CAB39: variants seen among roughly 807,000 people sequenced by gnomAD.
The protein encoded by CAB39 is calcium-binding protein 39.
Under a neutral mutation model 40.0 loss-of-function variants are expected in CAB39, and 8 were observed. The observed-to-expected ratio is 0.20, with a 90% CI of 0.12 to 0.36. The LOEUF (loss-of-function observed/expected upper bound fraction) is 0.36, where lower values mean the gene tolerates loss of function less well. Ranked by LOEUF, CAB39 falls within the 10% of genes least tolerant of loss-of-function variation. CAB39 has a pLI of 1.00. For missense variants in CAB39, 270 were observed against 401.1 expected, an observed-to-expected ratio of 0.67 and a Z score of 2.79; for synonymous variants, 156 against 141.6, an observed-to-expected ratio of 1.10 and a Z score of -0.72.
In CAB39 at chr2:230,820,079, T is replaced by C. The variant is rs1390657966; in HGVS notation, c.*1375T>C. The C allele has an allele frequency of 6.5e-6, 1 of 152,694 alleles. No individual in the cohort carries two copies. The highest frequency in any genetic ancestry group is 1.5e-5 in the Non-Finnish European group (1 of 68,046). The allele number at this position is 152,694 out of a possible 1,614,324, so 9.5% of individuals were successfully genotyped here. On this transcript the variant is annotated 3_prime_UTR_variant, in exon 9 of 9. Coordinates refer to ENST00000258418, the MANE Select transcript of CAB39 (RefSeq NM_016289.4). The stretch of plus-strand genomic sequence containing the variant: ...TAACTGATTTTGCACCACTTTTTTG[T>C]TACTGTGACCACGGCAGAACAATGT...
intron 1 of CAB39, among the ~76,000 whole-genome samples, chr2:230,739,858 A>C (rs1272779295): frequency 1.3e-5 from 2 of 152,228 alleles, no homozygotes. Flanking sequence ...GAAGTTCAGC[A>C]TTGTGAATAT....
intron 6 of CAB39, among the ~76,000 whole-genome samples, chr2:230,812,212 G>A (rs555618762): frequency 1.6e-4 from 24 of 152,180 alleles, no homozygotes; most frequent in Non-Finnish European, 2.4e-4. Context: ...ACCTGAAACC[G>A]GTTTCTCTCC....
intron 2 of CAB39, among the ~76,000 whole-genome samples, chr2:230,789,074 T>TC (rs1559611538): frequency 1.3e-5 from 2 of 152,178 alleles, no homozygotes; most frequent in African/African-American, 4.8e-5. Context: ...TGTCCCTTTT[T>TC]CCCCCCTAAG....
intron 7 of CAB39, among the ~76,000 whole-genome samples, chr2:230,815,899 T>C (rs1380101807): frequency 6.6e-6 from 1 of 152,252 alleles, no homozygotes; most frequent in Non-Finnish European, 1.5e-5. Context: ...CGTAGCCACA[T>C]TGGCATTTAT....
chr2:230,811,526 T>C (rs1418924970), intron 6 of CAB39, among the ~76,000 whole-genome samples: 1 of 152,250 alleles, frequency 6.6e-6, no homozygotes, highest in African/African-American at 2.4e-5. Context: ...TTACAGTAGA[T>C]AGAAGCATGG....
In CAB39 at chr2:230,793,252, A is replaced by G; in HGVS notation, c.319A>G (p.Arg107Gly). 1 of 1,612,600 alleles carries G rather than the reference A, an allele frequency of 6.2e-7. No individual in the cohort carries two copies. The highest frequency in any genetic ancestry group is 2.2e-5 in the East Asian group (1 of 44,792). The change falls in exon 4 of 9, where the codon AGA becomes GGA. Residue 107 changes from arginine to glycine, a missense_variant. Coordinates refer to ENST00000258418, the MANE Select transcript of CAB39 (RefSeq NM_016289.4). ...GGCTCAAATTTTCAACAATATTCTCAGAAGACAAATTGGTACGAGAACTCC... is the reference window on the plus strand; with the variant it reads ...GGCTCAAATTTTCAACAATATTCTCGGAAGACAAATTGGTACGAGAACTCC... The part of the protein sequence containing the change: ...DVAQIFNNIL[R>G]RQIGTRTPTV...
intron 7 of CAB39, 37 bp from the exon 8 acceptor site, chr2:230,817,710 CTTTAAGT>C (rs1696426931): frequency 2.0e-6 from 3 of 1,468,982 alleles, no homozygotes; most frequent in Non-Finnish European, 2.8e-6. Flanking sequence ...TTTGATTTTT[CTTTAAGT>C]TTTAATAACA....
intron 2 of CAB39, among the ~76,000 whole-genome samples, chr2:230,788,699 T>C (rs1394449918): frequency 6.6e-6 from 1 of 152,230 alleles, no homozygotes; most frequent in African/African-American, 2.4e-5. Context: ...GACAATTTGG[T>C]TGTGTTTTTC....
intron 5 of CAB39, among the ~76,000 whole-genome samples, chr2:230,809,488 C>T: frequency 6.6e-6 from 1 of 152,186 alleles, no homozygotes; most frequent in Admixed American, 6.5e-5. Context: ...TTCTCTTTCC[C>T]ACCCAGTGAG....
chr2:230,772,946 T>C (rs546066941), intron 2 of CAB39, among the ~76,000 whole-genome samples: 1 of 141,746 alleles, frequency 7.1e-6, no homozygotes, highest in African/African-American at 2.7e-5. Context: ...ATAAACCAAC[T>C]GTAGTACATC....
intron 2 of CAB39, among the ~76,000 whole-genome samples, chr2:230,762,974 C>G (rs1575929095): frequency 6.6e-6 from 1 of 152,298 alleles, no homozygotes; most frequent in East Asian, 1.9e-4. Context: ...CTTTTATACT[C>G]TTAAATTATT....
At chr2:230,779,232 A>T (rs1381099670) in intron 2 of CAB39, 1 of 152,196 alleles carries the variant, frequency 6.6e-6, no homozygotes, top group Non-Finnish European at 1.5e-5. Context: ...CTCAACTCAG[A>T]GCCTTGATCT....
chr2:230,733,611 G>A (rs1694734267), intron 1 of CAB39, among the ~76,000 whole-genome samples: 1 of 152,154 alleles, frequency 6.6e-6, no homozygotes, highest in Non-Finnish European at 1.5e-5. Context: ...AGCTTCTCAG[G>A]AACTATTGAA....
At chr2:230,724,456 C>T (rs1341293677) in intron 1 of CAB39, among the ~76,000 whole-genome samples, 2 of 151,680 alleles carry the variant, frequency 1.3e-5, no homozygotes, top group South Asian at 2.1e-4. Context: ...CCGAGGTGGG[C>T]GGATCACCTG....
intron 8 of CAB39, chr2:230,818,213 C>T (rs1287136686): frequency 4.4e-6 from 2 of 449,976 alleles, no homozygotes; most frequent in African/African-American, 2.0e-5. Context: ...TCCCATCTGA[C>T]CTCTTGTGCT....
At chr2:230,785,334 G>C (rs1344165730) in intron 2 of CAB39, among the ~76,000 whole-genome samples, 1 of 148,956 alleles carries the variant, frequency 6.7e-6, no homozygotes, top group Non-Finnish European at 1.5e-5. Context: ...TGTTTTGAGA[G>C]GTTTAATTAT....
In CAB39 at chr2:230,713,146, C is replaced by G. The variant is rs1423577766; in HGVS notation, c.-128C>G. Reference sequence around the variant, plus strand: ...AGCGTCCGAGCCACTCCGCGGGGACCGAACGAGCAGCCCGAAGCGGCGGCG... The same window carrying G: ...AGCGTCCGAGCCACTCCGCGGGGACGGAACGAGCAGCCCGAAGCGGCGGCG... On this transcript the variant is annotated 5_prime_UTR_variant, in exon 1 of 9. Coordinates refer to ENST00000258418, the MANE Select transcript of CAB39 (RefSeq NM_016289.4). 1 of 152,098 alleles carries G rather than the reference C, an allele frequency of 6.6e-6. No individual in the cohort carries two copies. Among genetic ancestry groups the G allele is most frequent in the Non-Finnish European group, 1.5e-5 (1 of 68,052 alleles). 9.4% of individuals were successfully genotyped at this position (152,098 alleles called of 1,614,324 possible).
chr2:230,806,019 C>T (rs909216798), intron 5 of CAB39, among the ~76,000 whole-genome samples: 2 of 152,094 alleles, frequency 1.3e-5, no homozygotes, highest in Non-Finnish European at 2.9e-5. Flanking sequence ...CAGAATATAG[C>T]AGGATGAAGT....
At chr2:230,756,661 G>A (rs76939648) in intron 1 of CAB39, among the ~76,000 whole-genome samples, 2,324 of 95,352 alleles carry the variant, frequency 0.024, 33 homozygotes, top group African/African-American at 0.093. Context: ...CTAACTGTTT[G>A]TTTATTTATT....
Sources: gnomAD v4.1 joint callset for allele counts (sites outside exome capture counted in the v4.1 genomes callset) on GRCh38, gnomAD v4.1.1 for gene constraint, MANE v1.5 for transcripts, NCBI Gene and HGNC (gene_info 2026-07-23, HGNC 2026-07-21) for gene names.